Variants in CCSER1 observed in about 807,000 individuals in gnomAD.
CCSER1 encodes serine-rich coiled-coil domain-containing protein 1.
CCSER1 carries 41 observed loss-of-function variants against 82.0 expected under a neutral mutation model. The observed-to-expected ratio is 0.50, with a 90% CI of 0.39 to 0.65. The LOEUF (loss-of-function observed/expected upper bound fraction) is 0.65, where lower values mean the gene tolerates loss of function less well. CCSER1 is among the 30% of genes least tolerant of loss of function. The pLI, the probability that CCSER1 is intolerant of heterozygous loss-of-function variation, is 0.00. For synonymous variants in CCSER1, 414 were observed against 383.9 expected, an observed-to-expected ratio of 1.08 and a Z score of -0.92; for missense variants, 1,119 against 1,064.2, an observed-to-expected ratio of 1.05 and a Z score of -0.72.
chr4:91,050,451 G>A (rs994975512), intron 9 of CCSER1, among the ~76,000 whole-genome samples: 3 of 149,144 alleles, frequency 2.0e-5, no homozygotes, highest in Non-Finnish European at 3.0e-5. Flanking sequence ...AAAATGCATA[G>A]ACTAAACCAT....
At chr4:91,303,899 T>C (rs982824705) in intron 10 of CCSER1, among the ~76,000 whole-genome samples, 5 of 151,978 alleles carry the variant, frequency 3.3e-5, no homozygotes, top group Non-Finnish European at 5.9e-5. Context: ...TAAGGGAAAC[T>C]GTGGAGCAGG....
At chr4:90,811,154 ATG>A (rs984050697) in intron 7 of CCSER1, among the ~76,000 whole-genome samples, 2 of 151,986 alleles carry the variant, frequency 1.3e-5, no homozygotes, top group Non-Finnish European at 2.9e-5. Context: ...AATTCTTGAG[ATG>A]TGTCTTGGAG....
chr4:90,515,914 CTT>C (rs1165871351), intron 5 of CCSER1, among the ~76,000 whole-genome samples: 5 of 152,140 alleles, frequency 3.3e-5, no homozygotes, highest in Admixed American at 6.6e-5. Context: ...AGAAAGGACT[CTT>C]ATTGATCTTT....
intron 10 of CCSER1, among the ~76,000 whole-genome samples, chr4:91,584,175 TG>T (rs1388403615): frequency 6.6e-6 from 1 of 151,536 alleles, no homozygotes; most frequent in Admixed American, 6.6e-5. Flanking sequence ...TACCATGATC[TG>T]CTTTCACCTA....
intron 10 of CCSER1, among the ~76,000 whole-genome samples, chr4:91,419,448 A>G (rs1753571934): frequency 6.6e-6 from 1 of 152,100 alleles, no homozygotes; most frequent in African/African-American, 2.4e-5. Context: ...AATTAAGAAA[A>G]CAATTTCAGT....
At chr4:90,209,358 A>G (rs749731296) in intron 1 of CCSER1, among the ~76,000 whole-genome samples, 18 of 152,156 alleles carry the variant, frequency 1.2e-4, no homozygotes, top group Non-Finnish European at 4.4e-5. Context: ...GATCTGGGCA[A>G]TGAGTAGTGG....
intron 9 of CCSER1, among the ~76,000 whole-genome samples, chr4:91,019,754 T>C (rs1035781914): frequency 6.6e-6 from 1 of 152,182 alleles, no homozygotes; most frequent in African/African-American, 2.4e-5. Context: ...CCCCCTGAAA[T>C]GCCACAGGAG....
chr4:90,348,618 A>T (rs566768725), intron 3 of CCSER1, among the ~76,000 whole-genome samples: 1 of 152,156 alleles, frequency 6.6e-6, no homozygotes, highest in Non-Finnish European at 1.5e-5. Context: ...TATTAAGACA[A>T]TTGTTCATTT....
chr4:91,461,751 G>A (rs1240007791), intron 10 of CCSER1, among the ~76,000 whole-genome samples: 1 of 152,058 alleles, frequency 6.6e-6, no homozygotes, highest in African/African-American at 2.4e-5. Context: ...GTTCCCTAAA[G>A]CCTAGCACAG....
chr4:91,448,052 C>G (rs1180065177), intron 10 of CCSER1, among the ~76,000 whole-genome samples: 4 of 152,058 alleles, frequency 2.6e-5, no homozygotes, highest in Non-Finnish European at 4.4e-5. Flanking sequence ...AGGCAAGTTG[C>G]TACTTCATAA....
intron 8 of CCSER1, among the ~76,000 whole-genome samples, chr4:90,915,627 C>T (rs1272685947): frequency 6.6e-6 from 1 of 152,132 alleles, no homozygotes; most frequent in African/African-American, 2.4e-5. Context: ...CCCTCTCTCA[C>T]CACTCCTATT....
chr4:91,585,927 A>C (rs973896074), intron 10 of CCSER1, among the ~76,000 whole-genome samples: 2 of 151,734 alleles, frequency 1.3e-5, no homozygotes, highest in African/African-American at 4.8e-5. Context: ...CAATGGCATG[A>C]TTAAATTTGC....
intron 3 of CCSER1, among the ~76,000 whole-genome samples, chr4:90,350,428 T>C (rs1743221326): frequency 6.6e-6 from 1 of 152,058 alleles, no homozygotes; most frequent in Non-Finnish European, 1.5e-5. Context: ...AGGTATATGC[T>C]AAAGTAATTG....
intron 5 of CCSER1, among the ~76,000 whole-genome samples, chr4:90,622,790 G>A (rs1196095633): frequency 1.3e-5 from 2 of 152,002 alleles, no homozygotes; most frequent in Admixed American, 6.5e-5. Context: ...CCAGTAATGG[G>A]ATGGCTGGGT....
At chr4:91,362,861 C>T (rs1009038729) in intron 10 of CCSER1, among the ~76,000 whole-genome samples, 58 of 151,806 alleles carry the variant, frequency 3.8e-4, no homozygotes, top group African/African-American at 1.3e-3. Flanking sequence ...GCCATGTTCT[C>T]CCTCTGCTCT....
intron 10 of CCSER1, among the ~76,000 whole-genome samples, chr4:91,391,788 A>G (rs188479762): frequency 6.6e-6 from 1 of 152,100 alleles, no homozygotes; most frequent in Non-Finnish European, 1.5e-5. Flanking sequence ...AAAATGTTCT[A>G]TGTGAGGCTG....
chr4:91,232,188 C>A (rs557330804), intron 10 of CCSER1, among the ~76,000 whole-genome samples: 1 of 151,888 alleles, frequency 6.6e-6, no homozygotes, highest in East Asian at 1.9e-4. Flanking sequence ...ATTAAAAATG[C>A]CCCTGCCATT....
intron 10 of CCSER1, among the ~76,000 whole-genome samples, chr4:91,407,298 T>C (rs1240382391): frequency 6.6e-6 from 1 of 152,170 alleles, no homozygotes; most frequent in Non-Finnish European, 1.5e-5. Context: ...AAAAACAGGC[T>C]ACATGCAAAA....
rs1236937291 is a variant in CCSER1 at position 90,854,770 on chromosome 4, C to T, written c.2094+38925C>T. ...TTTATTGATCTTCATTATAAGATTG[C>T]TCCTATGATCTCTAGGCTACTACAT... On this transcript the variant is annotated intron_variant, in intron 8 of 10. Transcript: ENST00000509176. 5.3e-5 allele frequency among the ~76,000 whole-genome samples: 8 copies of T among 151,806 alleles called. 1 individual carries two copies. The highest frequency in any genetic ancestry group is 5.3e-4 in the Admixed American group (8 of 15,210).
Sources: allele counts gnomAD v4.1 joint callset (sites outside exome capture counted in the v4.1 genomes callset), GRCh38; gene constraint gnomAD v4.1.1; transcripts MANE v1.5; gene names NCBI Gene and HGNC (gene_info 2026-07-23, HGNC 2026-07-21).